NFIX: variants seen among roughly 807,000 people sequenced by gnomAD.
NFIX encodes nuclear factor 1 X-type.
In NFIX, 2 loss-of-function variants were observed where a neutral mutation model predicts 53.3. The observed-to-expected ratio is 0.04, with a 90% CI of 0.02 to 0.12. The LOEUF (loss-of-function observed/expected upper bound fraction) is 0.12. Ranked by LOEUF, NFIX falls within the 10% of genes least tolerant of loss-of-function variation. The pLI, the probability that NFIX is intolerant of heterozygous loss-of-function variation, is 1.00. For missense variants in NFIX, 310 were observed against 674.5 expected, an observed-to-expected ratio of 0.46 and a Z score of 5.99; for synonymous variants, 244 against 289.0, an observed-to-expected ratio of 0.84 and a Z score of 1.58.
In NFIX at chr19:13,094,916, A is replaced by C; in HGVS notation, c.*267A>C. ...AAGCAGAAAGAAACACGCGACATGG[A>C]CTCTGTCAAGTAGAGGACAGAAAGC... On this transcript the variant is annotated 3_prime_UTR_variant, in exon 11 of 11. Coordinates refer to ENST00000592199, the MANE Select transcript of NFIX (RefSeq NM_001365902.3). The surrounding 1 kb of genome is among the most constrained non-coding windows in gnomAD (Gnocchi z 4.3). 2.0e-6 allele frequency: 1 copy of C among 505,306 alleles called. No individual in the cohort carries two copies. The highest frequency in any genetic ancestry group is 3.3e-5 in the East Asian group (1 of 30,644). 31.3% of individuals were successfully genotyped at this position (505,306 alleles called of 1,614,324 possible). A position where few individuals can be genotyped will look rare whatever the true frequency, so the allele number is the denominator to read the frequency against.
Position 13,073,384 on chromosome 19 carries a change from G to A in NFIX, c.623-38G>A. ...GGAAATAGCCAGGCAGCCCCCTTCT[G>A]GCCTTGTCTTGACTCACTCATCCTT... On this transcript the variant is annotated intron_variant, in intron 3 of 10. Coordinates refer to ENST00000592199, the MANE Select transcript of NFIX (RefSeq NM_001365902.3). This position sits in a 1 kb window ranked among gnomAD's most constrained non-coding sequence, Gnocchi z 4.5. 3.9e-6 allele frequency: 6 copies of A among 1,556,302 alleles called. No individual in the cohort carries two copies. Among genetic ancestry groups the A allele is most frequent in the Non-Finnish European group, 5.3e-6 (6 of 1,127,384 alleles).
At position 13,090,290 on chromosome 19, in the gene NFIX, TC is replaced by T. The variant is rs2018054187; in HGVS notation, c.1403-5del. On this transcript the variant is annotated splice_region_variant and splice_polypyrimidine_tract_variant and intron_variant, in intron 9 of 10. Transcript: ENST00000592199. The surrounding 1 kb of genome is among the most constrained non-coding windows in gnomAD (Gnocchi z 6.6). ...CAGGGTCTCTCCCTCTCTCCCCTGC[TC>T]CCCACAGCATTCGCAACGACAGGCG... 1.9e-6 allele frequency: 3 copies of T among 1,613,704 alleles called. No individual in the cohort carries two copies. The highest frequency in any genetic ancestry group is 2.5e-6 in the Non-Finnish European group (3 of 1,179,750).
At chr19:13,035,266 G>A (rs748810677) in intron 2 of NFIX, among the ~76,000 whole-genome samples, 2 of 152,202 alleles carry the variant, frequency 1.3e-5, no homozygotes, top group African/African-American at 4.8e-5. Context: ...TGTTGTTTTC[G>A]CTTTTCCGGA....
At chr19:13,008,250 T>C (rs998024610) in intron 1 of NFIX, among the ~76,000 whole-genome samples, 1 of 152,190 alleles carries the variant, frequency 6.6e-6, no homozygotes, top group Non-Finnish European at 1.5e-5. Flanking sequence ...CAGCCTCAGT[T>C]TCCCCATCCA....
intron 2 of NFIX, among the ~76,000 whole-genome samples, chr19:13,042,438 T>G (rs939313003): frequency 1.6e-5 from 2 of 123,518 alleles, no homozygotes; most frequent in Non-Finnish European, 3.2e-5. Flanking sequence ...CACTGCAACC[T>G]CTACCTCCAG....
At chr19:13,083,840 G>C (rs1039315526) in intron 8 of NFIX, among the ~76,000 whole-genome samples, 4 of 152,256 alleles carry the variant, frequency 2.6e-5, no homozygotes, top group African/African-American at 4.8e-5. Context: ...CTGATGCATA[G>C]CTGCAGAGAG....
chr19:13,084,727 T>TA (rs1300078550), intron 8 of NFIX, among the ~76,000 whole-genome samples: 1 of 152,132 alleles, frequency 6.6e-6, no homozygotes, highest in Non-Finnish European at 1.5e-5. Context: ...GGCTCAGTCT[T>TA]ACCATCATTG....
Position 13,078,119 on chromosome 19 carries a change from CCTTCCCTAAACGGGGCCCTGG to C in NFIX, c.956-489_956-469del, listed in dbSNP as rs2017221130. ...CCTGAGGGCTCATGGCTGTGTGCTC[CCTTCCCTAAACGGGGCCCTGG>C]CTTCTTCCCACCAGAACCTCCCATG... On this transcript the variant is annotated intron_variant, in intron 6 of 10. Transcript: ENST00000592199. This position sits in a 1 kb window ranked among gnomAD's most constrained non-coding sequence, Gnocchi z 4.7. 6.6e-6 allele frequency among the ~76,000 whole-genome samples: 1 copy of C among 152,180 alleles called. No individual in the cohort carries two copies. Among genetic ancestry groups the C allele is most frequent in the South Asian group, 2.1e-4 (1 of 4,826 alleles).
rs573321562 is a variant in NFIX at position 13,049,934 on chromosome 19, G to A, written c.560-23113G>A. ...AAATAATATTTAATTGTATGGCTGT[G>A]CCACATTTTGTTTATCCATTCATAC... On this transcript the variant is annotated intron_variant, in intron 2 of 10. Coordinates refer to ENST00000592199, the MANE Select transcript of NFIX (RefSeq NM_001365902.3). This position sits in a 1 kb window ranked among gnomAD's most constrained non-coding sequence, Gnocchi z 4.5. Among the ~76,000 whole-genome samples the A allele has an allele frequency of 5.9e-5, 9 of 152,296 alleles. No homozygotes were observed. The South Asian group carries it at 1.9e-3, about 32-fold the overall frequency.
Position 13,094,529 on chromosome 19 carries a change from C to T in NFIX, c.1495-106C>T. 8.2e-7 allele frequency: 1 copy of T among 1,212,846 alleles called. No individual in the cohort carries two copies. The highest frequency in any genetic ancestry group is 1.2e-6 in the Non-Finnish European group (1 of 866,778). 75.1% of individuals were successfully genotyped at this position (1,212,846 alleles called of 1,614,324 possible). A position where few individuals can be genotyped will look rare whatever the true frequency, so the allele number is the denominator to read the frequency against. On this transcript the variant is annotated intron_variant, in intron 10 of 10. Transcript: ENST00000592199. The surrounding 1 kb of genome is among the most constrained non-coding windows in gnomAD (Gnocchi z 4.3). ...GTGGTGGCTGCCCGGCACCCTGGCT[C>T]TTTGGGAGCTGGACCCTTGAGGGGC...
rs1221813973 is a variant in NFIX, at chr19:13,088,774, A to G, written c.1402+638A>G. On this transcript the variant is annotated intron_variant, in intron 9 of 10. Transcript: ENST00000592199. The surrounding 1 kb of genome is among the most constrained non-coding windows in gnomAD (Gnocchi z 5.9). ...CTCCGCAATTCCTTTCCCAGGTTAG[A>G]TGTTCCAAGGACGAGGGAGGGCTGT... Among the ~76,000 whole-genome samples the G allele has an allele frequency of 6.6e-6, 1 of 151,160 alleles. No individual in the cohort carries two copies. The highest frequency in any genetic ancestry group is 1.5e-5 in the Non-Finnish European group (1 of 67,828).
In NFIX at chr19:13,043,649, CCT is replaced by C. The variant is rs143978919; in HGVS notation, c.559+18103_559+18104del. On this transcript the variant is annotated intron_variant, in intron 2 of 10. Coordinates refer to ENST00000592199, the MANE Select transcript of NFIX (RefSeq NM_001365902.3). The surrounding 1 kb of genome is among the most constrained non-coding windows in gnomAD (Gnocchi z 4.0). ...ACTTTGACATCACTCATAGACACCC[CCT>C]CTCTCACCCTTGCATCCCAGACAGT... 6.0e-4 allele frequency among the ~76,000 whole-genome samples: 91 copies of C among 152,278 alleles called. No homozygotes were observed. Among genetic ancestry groups the C allele is most frequent in the South Asian group, 4.1e-3 (20 of 4,834 alleles).
chr19:13,003,379 G>C (rs977619252), intron 1 of NFIX, among the ~76,000 whole-genome samples: 3 of 152,158 alleles, frequency 2.0e-5, no homozygotes, highest in African/African-American at 7.2e-5. Context: ...ATGCCATGAA[G>C]CACACAGCAC....
rs1296002448 is a variant in NFIX at position 13,073,462 on chromosome 19, C to G, written c.663C>G (p.Val221=). Residue 221 remains valine (V), a synonymous_variant, in exon 4 of 11, where the codon GTC becomes GTG. Coordinates refer to ENST00000592199, the MANE Select transcript of NFIX (RefSeq NM_001365902.3). The surrounding 1 kb of genome is among the most constrained non-coding windows in gnomAD (Gnocchi z 4.5). ...AGGACTGTTTTGTGACTTCCGGGGTCTGGAATGTGACGGAGCTGGTGAGAG... is the reference window on the plus strand; with the variant it reads ...AGGACTGTTTTGTGACTTCCGGGGTGTGGAATGTGACGGAGCTGGTGAGAG... ...SFQDCFVTSG[V]WNVTELVRVS... is the part of the protein sequence containing the mutation. 1 of 1,614,014 alleles carries G rather than the reference C, an allele frequency of 6.2e-7. No individual in the cohort carries two copies. Among genetic ancestry groups the G allele is most frequent in the East Asian group, 2.2e-5 (1 of 44,886 alleles).
chr19:13,090,737 C>T lies in NFIX; in HGVS notation c.1494+347C>T, dbSNP rs1482839793. Among the ~76,000 whole-genome samples, 1 of 152,228 alleles carries T rather than the reference C, an allele frequency of 6.6e-6. No individual in the cohort carries two copies. The highest frequency in any genetic ancestry group is 2.4e-5 in the African/African-American group (1 of 41,454). The stretch of plus-strand genomic sequence containing the variant: ...GAGGAGAATAGAGTCTGCCTCACTG[C>T]TTTCACCTGCCCCGACTGGAAGCCC... On this transcript the variant is annotated intron_variant, in intron 10 of 10. Transcript: ENST00000592199. This position sits in a 1 kb window ranked among gnomAD's most constrained non-coding sequence, Gnocchi z 6.6.
chr19:13,064,505 A>G (rs1300181102), intron 2 of NFIX, among the ~76,000 whole-genome samples: 1 of 152,132 alleles, frequency 6.6e-6, no homozygotes, highest in Non-Finnish European at 1.5e-5. Flanking sequence ...AGACCGTTGG[A>G]TGGCTATTGC....
At chr19:13,074,147 A>G (rs1204374073) in intron 5 of NFIX, 121 bp downstream of exon 5, 6 of 1,285,644 alleles carry the variant, frequency 4.7e-6, no homozygotes, top group Non-Finnish European at 6.6e-6. Context: ...CACCTCTCTC[A>G]TTGAGGGCAC....
chr19:13,063,952 G>T (rs1219492979), intron 2 of NFIX, among the ~76,000 whole-genome samples: 2 of 152,180 alleles, frequency 1.3e-5, no homozygotes, highest in Non-Finnish European at 2.9e-5. Context: ...GGGGGTGAGG[G>T]TGATTGTCTG....
At chr19:13,065,139 G>T (rs1224635007) in intron 2 of NFIX, among the ~76,000 whole-genome samples, 1 of 151,996 alleles carries the variant, frequency 6.6e-6, no homozygotes, top group Non-Finnish European at 1.5e-5. Context: ...TCTGTGCTGG[G>T]GCAAGGCCAG....
Sources: allele counts gnomAD v4.1 joint callset (sites outside exome capture counted in the v4.1 genomes callset), GRCh38; gene constraint gnomAD v4.1.1; non-coding constraint Gnocchi (gnomAD v3.1); transcripts MANE v1.5; gene names NCBI Gene and HGNC (gene_info 2026-07-23, HGNC 2026-07-21).